The following ANKS3 variants were observed in gnomAD, a reference collection of about 807,000 sequenced individuals.
ANKS3 encodes the protein ankyrin repeat and SAM domain-containing protein 3.
ANKS3 carries 62 observed loss-of-function variants against 80.7 expected under a neutral mutation model. That is an observed-to-expected ratio of 0.77 (90% CI 0.63 to 0.95). The LOEUF (loss-of-function observed/expected upper bound fraction) is 0.95. Ranked by LOEUF, ANKS3 falls within the 40% of genes least tolerant of loss-of-function variation. The pLI, the probability that ANKS3 is intolerant of heterozygous loss-of-function variation, is 0.00. For synonymous variants in ANKS3, 489 were observed against 355.3 expected, an observed-to-expected ratio of 1.38 and a Z score of -4.23; for missense variants, 1,150 against 883.6, an observed-to-expected ratio of 1.30 and a Z score of -3.82.
chr16:4,718,446 G>T (rs1018291156), intron 6 of ANKS3, among the ~76,000 whole-genome samples: 3 of 152,180 alleles, frequency 2.0e-5, no homozygotes, highest in African/African-American at 7.2e-5. Flanking sequence ...GAGCTGCTGG[G>T]GCTTGGCCCC....
At chr16:4,729,810 C>G (rs2081530508) in intron 3 of ANKS3, 170 bp downstream of exon 3, 1 of 636,274 alleles carries the variant, frequency 1.6e-6, no homozygotes, top group South Asian at 5.7e-5. Context: ...AAAACGGCCT[C>G]TTTGTCAGGG....
chr16:4,699,478 A>C, intron 11 of ANKS3: 3 of 397,066 alleles, frequency 7.6e-6, no homozygotes, highest in Non-Finnish European at 1.4e-5. Flanking sequence ...GATCTCGACA[A>C]TGCTTTGTAG....
At chr16:4,712,266 G>T (rs577047059) in intron 7 of ANKS3, among the ~76,000 whole-genome samples, 2 of 152,054 alleles carry the variant, frequency 1.3e-5, no homozygotes, top group Non-Finnish European at 2.9e-5. Flanking sequence ...AGCTACTCGG[G>T]AGGCTGAGGC....
Position 4,698,443 on chromosome 16 carries a change from C to A in ANKS3, c.1708G>T (p.Val570Phe). 1 of 1,532,928 alleles carries A rather than the reference C, an allele frequency of 6.5e-7. No homozygotes were observed. The highest frequency in any genetic ancestry group is 8.7e-7 in the Non-Finnish European group (1 of 1,146,154). The allele number at this position is 1,532,928 out of a possible 1,614,324, so 95.0% of individuals were successfully genotyped here. The part of the protein sequence containing the change: ...TWALARDAAL[V>F]LDQLRACQAE... ...GCCACTCACCGCAGCTGGTCCAGGA[C>A]GAGGGCAGCATCCCGGGCCAGGGCC... is the stretch of plus-strand genomic sequence containing the variant. Residue 570 changes from valine (V) to phenylalanine (F), a missense_variant, in exon 14 of 18, where the codon GTC (valine) becomes TTC (phenylalanine). Physicochemically the swap from Val to Phe is conservative, Grantham distance 50. Transcript: ENST00000304283.
chr16:4,705,806 T>C (rs779581503), intron 7 of ANKS3, among the ~76,000 whole-genome samples: 26 of 152,154 alleles, frequency 1.7e-4, no homozygotes, highest in Non-Finnish European at 3.8e-4. Context: ...TTCATAAGTC[T>C]GTATTGTTCA....
chr16:4,710,160 G>T (rs1181303018), intron 7 of ANKS3, among the ~76,000 whole-genome samples: 1 of 152,182 alleles, frequency 6.6e-6, no homozygotes, highest in African/African-American at 2.4e-5. Flanking sequence ...TGGTCAATAG[G>T]TGTAAAATTA....
At chr16:4,725,313 G>A (rs573078244) in intron 5 of ANKS3, among the ~76,000 whole-genome samples, 2 of 152,268 alleles carry the variant, frequency 1.3e-5, no homozygotes, top group African/African-American at 2.4e-5. Context: ...TGCTAACTCG[G>A]CACTGTCTTC....
intron 7 of ANKS3, among the ~76,000 whole-genome samples, chr16:4,708,778 C>CA (rs34174802): frequency 2.0e-5 from 3 of 149,610 alleles, no homozygotes; most frequent in Non-Finnish European, 4.4e-5. Context: ...ACTAAAAATA[C>CA]AAAAAAAAAA....
intron 5 of ANKS3, among the ~76,000 whole-genome samples, chr16:4,725,969 CTG>C (rs1467600633): frequency 8.6e-6 from 1 of 115,868 alleles, no homozygotes; most frequent in Non-Finnish European, 1.9e-5. Flanking sequence ...AAACTCATGA[CTG>C]TTGTTTTTGT....
rs1386411391 is a variant in ANKS3 at position 4,702,214 on chromosome 16, G to A, written c.897C>T (p.Thr299=). ...GGGGGTTCTCGCCACTGCTGTTGAAGGTGACATAGCCACGGGGAGGAGCCT... is the reference window on the plus strand; with the variant it reads ...GGGGGTTCTCGCCACTGCTGTTGAAAGTGACATAGCCACGGGGAGGAGCCT... ...YEQAPPRGYV[T]FNSSGENPLE... Residue 299 remains threonine, a synonymous_variant, in exon 9 of 18, where the codon ACC becomes ACT. Transcript: ENST00000304283. 3.8e-6 allele frequency: 6 copies of A among 1,587,270 alleles called. No homozygotes were observed. The highest frequency in any genetic ancestry group is 2.7e-5 in the African/African-American group (2 of 73,124).
chr16:4,714,340 G>A lies in ANKS3; in HGVS notation c.574-154C>T, dbSNP rs1012826348. 5 of 1,141,518 alleles carry A rather than the reference G, an allele frequency of 4.4e-6. No individual in the cohort carries two copies. The African/African-American group carries it at 4.7e-5, about 11-fold the overall frequency. The allele number at this position is 1,141,518 out of a possible 1,614,324, so 70.7% of individuals were successfully genotyped here. A position where few individuals can be genotyped will look rare whatever the true frequency, so the allele number is the denominator to read the frequency against. On this transcript the variant is annotated intron_variant, in intron 6 of 17. Coordinates refer to ENST00000304283, the MANE Select transcript of ANKS3 (RefSeq NM_133450.4). ...ATCTGCATGAGAAAGAGGCAGGCTTGTCTGCACCGCAGCCACAAGTTTTGC... is the reference window on the plus strand; with the variant it reads ...ATCTGCATGAGAAAGAGGCAGGCTTATCTGCACCGCAGCCACAAGTTTTGC...
intron 15 of ANKS3, 31 bp from the exon 16 acceptor site, chr16:4,697,447 T>TG (rs775741579): frequency 1.3e-6 from 2 of 1,543,844 alleles, no homozygotes; most frequent in South Asian, 2.3e-5. Context: ...CCGAGTTAGC[T>TG]GGGGGTCTGC....
chr16:4,723,565 G>A (rs367973539), intron 6 of ANKS3, among the ~76,000 whole-genome samples: 19 of 152,274 alleles, frequency 1.2e-4, no homozygotes, highest in African/African-American at 2.4e-4. Context: ...TGGGATTACC[G>A]GCGTGCGCCA....
In ANKS3 at chr16:4,698,488, C is replaced by A; in HGVS notation, c.1663G>T (p.Ala555Ser). 6.4e-7 allele frequency: 1 copy of A among 1,551,662 alleles called. No homozygotes were observed. The highest frequency in any genetic ancestry group is 1.2e-5 in the South Asian group (1 of 85,472). The change falls in exon 14 of 18, where the codon GCC becomes TCC. Residue 555 changes from alanine (A) to serine (S), a missense_variant. Transcript: ENST00000304283. ...EQDRAREDLQARLRETWALAR... is the reference protein window; with the variant it reads ...EQDRAREDLQSRLRETWALAR... ...AGGGCCCACGTCTCCCGCAGCCGGG[C>A]CTGGAGGTCCTCGCGGGCGCGGTCC...
At chr16:4,705,342 G>A (rs1187963314) in intron 7 of ANKS3, 89 bp from the exon 8 acceptor site, 12 of 1,484,698 alleles carry the variant, frequency 8.1e-6, no homozygotes, top group South Asian at 2.5e-5. Flanking sequence ...AGTGACTGTC[G>A]CCGGTTTTGT....
At chr16:4,723,788 G>C (rs992206577) in intron 6 of ANKS3, among the ~76,000 whole-genome samples, 5 of 152,158 alleles carry the variant, frequency 3.3e-5, no homozygotes, top group Non-Finnish European at 7.4e-5. Flanking sequence ...TGTGTGGACA[G>C]GCTTGCACCT....
intron 1 of ANKS3, among the ~76,000 whole-genome samples, chr16:4,733,410 G>C (rs2081768616): frequency 6.6e-6 from 1 of 151,888 alleles, no homozygotes. Context: ...TCCTGCCTCA[G>C]CTTCCCGAGT....
chr16:4,699,332 A>G (rs941288294), intron 11 of ANKS3, 156 bp from the exon 12 acceptor site: 12 of 1,030,080 alleles, frequency 1.2e-5, no homozygotes, highest in Admixed American at 9.4e-5. Flanking sequence ...CTGGTGGCTC[A>G]GGCAGGGCAG....
In ANKS3 at chr16:4,698,867, G is replaced by C; in HGVS notation, c.1484C>G (p.Ala495Gly). The C allele has an allele frequency of 6.2e-7, 1 of 1,602,332 alleles. No homozygotes were observed. The highest frequency in any genetic ancestry group is 8.5e-7 in the Non-Finnish European group (1 of 1,173,892). ...WHSSARPPGD[A>G]LELAYADRLE... ...CCGGTCGGCGTAGGCCAGCTCCAGG[G>C]CATCCCCGGGTGGGCGGGCACTGCT... Residue 495 changes from alanine to glycine, a missense_variant, in exon 13 of 18, where the codon GCC (alanine) becomes GGC (glycine). Ala to Gly is a moderately conservative substitution (Grantham distance 60). Coordinates refer to ENST00000304283, the MANE Select transcript of ANKS3 (RefSeq NM_133450.4).
Sources: gnomAD v4.1 joint callset for allele counts (sites outside exome capture counted in the v4.1 genomes callset) on GRCh38, gnomAD v4.1.1 for gene constraint, MANE v1.5 for transcripts, NCBI Gene and HGNC (gene_info 2026-07-23, HGNC 2026-07-21) for gene names.